SLC15A1: variants seen among roughly 807,000 people sequenced by gnomAD.
The protein encoded by SLC15A1 is solute carrier family 15 member 1, also known as Caco-2 oligopeptide transporter.
Under a neutral mutation model 92.9 loss-of-function variants are expected in SLC15A1, and 83 were observed. That is an observed-to-expected ratio of 0.89 (90% CI 0.75 to 1.07). The LOEUF (loss-of-function observed/expected upper bound fraction) is 1.07. Among genes scored for constraint, SLC15A1 ranks in the 50% least tolerant of loss-of-function variants. SLC15A1 has a pLI of 0.00. For synonymous variants in SLC15A1, 322 were observed against 318.2 expected, an observed-to-expected ratio of 1.01 and a Z score of -0.13; for missense variants, 857 against 880.1, an observed-to-expected ratio of 0.97 and a Z score of 0.33.
chr13:98,745,111 C>A (rs1180968822), intron 1 of SLC15A1, among the ~76,000 whole-genome samples: 2 of 152,158 alleles, frequency 1.3e-5, no homozygotes, highest in Non-Finnish European at 2.9e-5. Flanking sequence ...GTTTTTAGAA[C>A]TAGAGGTAAA....
At chr13:98,699,119 G>A (rs746898901) in intron 18 of SLC15A1, among the ~76,000 whole-genome samples, 6 of 152,098 alleles carry the variant, frequency 3.9e-5, no homozygotes, top group Admixed American at 6.6e-5. Context: ...CCTAACCCAC[G>A]CCAATCACTA....
At chr13:98,735,671 A>C (rs1016250413) in intron 1 of SLC15A1, among the ~76,000 whole-genome samples, 24 of 152,220 alleles carry the variant, frequency 1.6e-4, no homozygotes, top group Non-Finnish European at 2.9e-4. Context: ...ATGTGCAAAA[A>C]TCACAAGCAT....
In SLC15A1 at chr13:98,702,281, C is replaced by T. The variant is rs112478599; in HGVS notation, c.1466+199G>A. Among the ~76,000 whole-genome samples the T allele has an allele frequency of 3.9e-5, 6 of 152,206 alleles. 1 individual carries two copies. The highest frequency in any genetic ancestry group is 1.4e-4 in the African/African-American group (6 of 41,524). On this transcript the variant is annotated intron_variant, in intron 18 of 22. Coordinates refer to ENST00000376503, the MANE Select transcript of SLC15A1 (RefSeq NM_005073.4). ...TTTTTTTAATCAATTGATAAGATGA[C>T]GTACAATTTCCTCTTGAGTTTACTA...
At chr13:98,703,198 G>A (rs2088083996) in intron 17 of SLC15A1, among the ~76,000 whole-genome samples, 1 of 139,954 alleles carries the variant, frequency 7.1e-6, no homozygotes. Context: ...GGGAGGGAGG[G>A]AAGGAAGGAA....
chr13:98,686,648 A>G (rs528682526), intron 21 of SLC15A1, among the ~76,000 whole-genome samples: 1 of 152,252 alleles, frequency 6.6e-6, no homozygotes, highest in South Asian at 2.1e-4. Context: ...CTGGGCTGCA[A>G]GCTTGCCCTT....
At chr13:98,737,391 T>G (rs1047417369) in intron 1 of SLC15A1, among the ~76,000 whole-genome samples, 1 of 152,124 alleles carries the variant, frequency 6.6e-6, no homozygotes, top group African/African-American at 2.4e-5. Context: ...ATACCTAATG[T>G]AAATGACGGG....
chr13:98,743,834 G>A (rs1004157124), intron 1 of SLC15A1, among the ~76,000 whole-genome samples: 1 of 152,060 alleles, frequency 6.6e-6, no homozygotes, highest in African/African-American at 2.4e-5. Context: ...ATATGCTCAG[G>A]TTAAAGAGAA....
At chr13:98,729,838 T>C (rs1197333721) in intron 1 of SLC15A1, among the ~76,000 whole-genome samples, 1 of 152,202 alleles carries the variant, frequency 6.6e-6, no homozygotes, top group Admixed American at 6.5e-5. Context: ...CCTCCTGATC[T>C]GTCAGCCTGT....
At chr13:98,702,422 G>A (rs1488410684) in intron 18 of SLC15A1, 58 bp downstream of exon 18, 3 of 1,081,952 alleles carry the variant, frequency 2.8e-6, no homozygotes, top group Non-Finnish European at 4.3e-6. Context: ...TTTACTATGG[G>A]TATGCATTAC....
intron 18 of SLC15A1, among the ~76,000 whole-genome samples, chr13:98,696,633 G>A (rs6491438): frequency 0.71 from 107,640 of 151,976 alleles, 39,018 homozygotes; most frequent in African/African-American, 0.85. Flanking sequence ...GGACAGGACC[G>A]GGTGACCACT....
At chr13:98,723,526 A>C (rs1474381057) in intron 5 of SLC15A1, among the ~76,000 whole-genome samples, 1 of 152,218 alleles carries the variant, frequency 6.6e-6, no homozygotes, top group East Asian at 1.9e-4. Flanking sequence ...AAATAGGCAG[A>C]AGTGTGGTAC....
rs1180842419 is a variant in SLC15A1, at chr13:98,723,910, A to G, written c.365+2T>C. On this transcript the variant is annotated splice_donor_variant, in intron 5 of 22. Transcript: ENST00000376503. LOFTEE classifies it high-confidence loss of function. ...TGGGGGCAGCAGTGAGCACCAACTC[A>G]CACGTGCACAGGAAGGCTGTCGGGG... The G allele has an allele frequency of 6.2e-7, 1 of 1,613,992 alleles. No homozygotes were observed. Among genetic ancestry groups the G allele is most frequent in the East Asian group, 2.2e-5 (1 of 44,896 alleles).
chr13:98,738,575 G>T (rs1268282570), intron 1 of SLC15A1, among the ~76,000 whole-genome samples: 1 of 152,268 alleles, frequency 6.6e-6, no homozygotes, highest in Non-Finnish European at 1.5e-5. Context: ...TGCTTCAGAG[G>T]GTGCAAGCCA....
intron 18 of SLC15A1, among the ~76,000 whole-genome samples, chr13:98,701,021 C>T (rs1272659634): frequency 6.6e-6 from 1 of 152,146 alleles, no homozygotes; most frequent in East Asian, 1.9e-4. Flanking sequence ...AGTTCCTTTG[C>T]CTTTCCATAT....
intron 2 of SLC15A1, 117 bp from the exon 3 acceptor site, chr13:98,726,566 T>C: frequency 6.6e-6 from 6 of 915,694 alleles, no homozygotes; most frequent in Non-Finnish European, 1.1e-5. Context: ...TACCGGTGAC[T>C]GTCTAGAGCA....
At chr13:98,687,801 T>G (rs1458690373) in intron 20 of SLC15A1, 77 bp from the exon 21 acceptor site, 1 of 1,533,038 alleles carries the variant, frequency 6.5e-7, no homozygotes, top group African/African-American at 1.4e-5. Flanking sequence ...TAAATTGAGT[T>G]TGACCTTCTA....
chr13:98,752,627 T>C lies in SLC15A1; in HGVS notation c.-29A>G, dbSNP rs745415380. The C allele has an allele frequency of 1.6e-6, 2 of 1,251,866 alleles. No individual in the cohort carries two copies. The highest frequency in any genetic ancestry group is 3.3e-5 in the South Asian group (1 of 30,146). 77.5% of individuals were successfully genotyped at this position (1,251,866 alleles called of 1,614,324 possible). On this transcript the variant is annotated 5_prime_UTR_variant, in exon 1 of 23. Coordinates refer to ENST00000376503, the MANE Select transcript of SLC15A1 (RefSeq NM_005073.4). Reference sequence around the variant, plus strand: ...GGCGGCTCCCAGGGCTCCTGCGACCTGCCGGCGGGACGTGCTCCTGGCAGG... The same window carrying C: ...GGCGGCTCCCAGGGCTCCTGCGACCCGCCGGCGGGACGTGCTCCTGGCAGG...
chr13:98,701,529 T>A (rs910301278), intron 18 of SLC15A1, among the ~76,000 whole-genome samples: 18 of 152,008 alleles, frequency 1.2e-4, no homozygotes, highest in African/African-American at 4.3e-4. Flanking sequence ...AGACAAGGTC[T>A]CATTCTGTCA....
Position 98,684,903 on chromosome 13 carries a change from T to C in SLC15A1, c.1948A>G (p.Ile650Val). Residue 650 changes from isoleucine (I) to valine (V), a missense_variant, in exon 23 of 23, where the codon ATT (isoleucine) becomes GTT (valine). Physicochemically the swap from Ile to Val is conservative, Grantham distance 29. Transcript: ENST00000376503. ...ACCAGAAGCAACGCGGCAAATAGAA[T>C]GTACTCGGCCCACTTTGAAGAAATC... ...GQFSKQWAEY[I>V]LFAALLLVVC... 1.6e-5 allele frequency: 26 copies of C among 1,612,386 alleles called. No individual in the cohort carries two copies. The highest frequency in any genetic ancestry group is 2.2e-5 in the Non-Finnish European group (26 of 1,179,070).
Sources: allele counts gnomAD v4.1 joint callset (sites outside exome capture counted in the v4.1 genomes callset), GRCh38; gene constraint gnomAD v4.1.1; transcripts MANE v1.5; gene names NCBI Gene and HGNC (gene_info 2026-07-23, HGNC 2026-07-21).